KLF12: variants seen among roughly 807,000 people sequenced by gnomAD.
The protein encoded by KLF12 is KLF transcription factor 12, also known as Krueppel-like factor 12.
A neutral mutation model predicts 37.8 loss-of-function variants in KLF12; 9 were observed. That is an observed-to-expected ratio of 0.24 (90% confidence interval 0.14 to 0.42). KLF12 has a LOEUF of 0.42. KLF12 is among the 10% of genes least tolerant of loss of function. The probability of loss-of-function intolerance (pLI) is 1.00; values close to 1 mark genes in which losing one functional copy is unlikely to be tolerated. For synonymous variants in KLF12, 208 were observed against 202.1 expected (o/e 1.03, Z -0.25); for missense variants, 411 against 516.0 (o/e 0.80, Z 1.97).
intron 6 of KLF12, among the ~76,000 whole-genome samples, chr13:73,723,769 T>C (rs887617152): frequency 1.7e-4 from 26 of 152,194 alleles, no homozygotes; most frequent in Admixed American, 1.5e-3. Context: ...TACATGTCTA[T>C]TTATGTGACC....
intron 3 of KLF12, among the ~76,000 whole-genome samples, chr13:73,870,173 G>A (rs911305655): frequency 5.3e-5 from 8 of 152,108 alleles, no homozygotes; most frequent in Non-Finnish European, 1.0e-4. Context: ...CCATCACTGT[G>A]ACGTCATCAA....
chr13:74,028,937 A>C (rs1489921106), intron 1 of KLF12, among the ~76,000 whole-genome samples: 1 of 152,156 alleles, frequency 6.6e-6, no homozygotes, highest in Admixed American at 6.6e-5. Flanking sequence ...AGTTATCACT[A>C]TTAATAGTTA....
intron 4 of KLF12, among the ~76,000 whole-genome samples, chr13:73,814,312 C>T (rs972857023): frequency 7.2e-5 from 11 of 152,180 alleles, no homozygotes; most frequent in African/African-American, 2.7e-4. Context: ...GGGTACATTT[C>T]ATAATTTCAT....
intron 6 of KLF12, among the ~76,000 whole-genome samples, chr13:73,720,076 G>C (rs1876123725): frequency 6.6e-6 from 1 of 152,048 alleles, no homozygotes; most frequent in South Asian, 2.1e-4. Flanking sequence ...TAAATGTGTA[G>C]GATGCTGGTG....
chr13:74,263,463 G>A, the KLF12 span, among the ~76,000 whole-genome samples: 2 of 152,192 alleles, frequency 1.3e-5, no homozygotes, highest in South Asian at 2.1e-4. Context: ...GCTTTTTAAA[G>A]TATTTGTCAG....
At chr13:74,207,129 A>G in the KLF12 span, among the ~76,000 whole-genome samples, 4 of 152,262 alleles carry the variant, frequency 2.6e-5, no homozygotes, top group African/African-American at 9.6e-5. Flanking sequence ...AAGAGGCTGA[A>G]CCTGTCCTTT....
intron 6 of KLF12, among the ~76,000 whole-genome samples, chr13:73,747,625 T>G (rs1269773554): frequency 6.6e-6 from 1 of 152,324 alleles, no homozygotes; most frequent in East Asian, 1.9e-4. Flanking sequence ...TCAACACTTA[T>G]TTATTGCGTT....
At chr13:74,224,745 G>C in the KLF12 span, among the ~76,000 whole-genome samples, 1 of 152,022 alleles carries the variant, frequency 6.6e-6, no homozygotes, top group Non-Finnish European at 1.5e-5. Flanking sequence ...TTAATAAGTA[G>C]TATAATGACT....
At position 73,696,517 on chromosome 13, in the gene KLF12, A is replaced by G. The variant is rs534300928; in HGVS notation, c.1028-846T>C. On this transcript the variant is annotated intron_variant, in intron 7 of 7. Coordinates refer to ENST00000377669, the MANE Select transcript of KLF12 (RefSeq NM_007249.5). ...GGACAATAGTTGACCCAGGTGTGCC[A>G]TTTTCCTGGATCTCATTCAGAATGG... is the stretch of plus-strand genomic sequence containing the variant. 2.9e-4 allele frequency among the ~76,000 whole-genome samples: 44 copies of G among 152,230 alleles called. 1 individual carries two copies. The highest frequency in any genetic ancestry group is 1.0e-3 in the African/African-American group (42 of 41,532).
the KLF12 span, among the ~76,000 whole-genome samples, chr13:74,296,223 T>G: frequency 6.6e-6 from 1 of 152,102 alleles, no homozygotes; most frequent in East Asian, 1.9e-4. Context: ...TTCTTTGTTG[T>G]AGGTGCTATA....
chr13:73,979,872 T>C (rs1478217632), intron 2 of KLF12, among the ~76,000 whole-genome samples: 1 of 152,118 alleles, frequency 6.6e-6, no homozygotes, highest in African/African-American at 2.4e-5. Context: ...TAAGGTCATA[T>C]GGGTAGATCC....
At chr13:74,273,428 G>C in the KLF12 span, among the ~76,000 whole-genome samples, 1 of 149,160 alleles carries the variant, frequency 6.7e-6, no homozygotes, top group Non-Finnish European at 1.5e-5. Flanking sequence ...ATCTATTCCT[G>C]TAATAGTTTT....
At chr13:74,236,050 T>A in the KLF12 span, among the ~76,000 whole-genome samples, 3 of 149,596 alleles carry the variant, frequency 2.0e-5, no homozygotes, top group Non-Finnish European at 3.0e-5. Flanking sequence ...ACCCACTAAC[T>A]CGTCATCTAG....
intron 3 of KLF12, among the ~76,000 whole-genome samples, chr13:73,908,818 T>C (rs1201875767): frequency 6.6e-6 from 1 of 152,168 alleles, no homozygotes; most frequent in Non-Finnish European, 1.5e-5. Context: ...CACTGATATT[T>C]AGTTGTTGAT....
At chr13:73,772,931 T>C (rs1880361035) in intron 5 of KLF12, among the ~76,000 whole-genome samples, 1 of 152,036 alleles carries the variant, frequency 6.6e-6, no homozygotes, top group African/African-American at 2.4e-5. Context: ...ATCTGCAGGA[T>C]CTGGTCTAAG....
At chr13:74,155,043 C>T in the KLF12 span, among the ~76,000 whole-genome samples, 1 of 152,204 alleles carries the variant, frequency 6.6e-6, no homozygotes, top group Non-Finnish European at 1.5e-5. Context: ...TTCTTTATCT[C>T]CTTCTTTCCC....
chr13:73,700,269 A>T (rs1283703120), intron 7 of KLF12, among the ~76,000 whole-genome samples: 2 of 151,496 alleles, frequency 1.3e-5, no homozygotes, highest in Non-Finnish European at 2.9e-5. Context: ...TCTGTCTCAA[A>T]AAATAAATAA....
the KLF12 span, among the ~76,000 whole-genome samples, chr13:74,280,206 C>T: frequency 3.3e-5 from 5 of 152,290 alleles, no homozygotes; most frequent in South Asian, 1.0e-3. Flanking sequence ...CTCATATCTC[C>T]TTTACACATT....
chr13:74,080,257 T>C (rs1034946348), intron 1 of KLF12, among the ~76,000 whole-genome samples: 9 of 151,438 alleles, frequency 5.9e-5, no homozygotes, highest in Non-Finnish European at 1.0e-4. Flanking sequence ...GGCAACATAG[T>C]GGGACTCCAT....
Sources: gnomAD v4.1 joint callset for allele counts (sites outside exome capture counted in the v4.1 genomes callset) on GRCh38, gnomAD v4.1.1 for gene constraint, MANE v1.5 for transcripts, NCBI Gene and HGNC (gene_info 2026-07-23, HGNC 2026-07-21) for gene names.